SPDYE10: variants seen among roughly 807,000 people sequenced by gnomAD.
SPDYE10 encodes speedy protein E10.
chr7:73,123,765 T>TTCTC, the SPDYE10 span, among the ~76,000 whole-genome samples: 9 of 82,286 alleles, frequency 1.1e-4, no homozygotes, highest in South Asian at 4.2e-4. Context: ...GCCATTTCCT[T>TTCTC]TCTCTCTCTC....
the SPDYE10 span, among the ~76,000 whole-genome samples, chr7:73,123,788 C>CCCTCCCT: frequency 1.0e-5 from 1 of 97,458 alleles, no homozygotes; most frequent in African/African-American, 5.1e-5. Flanking sequence ...TCTCTCTCTC[C>CCCTCCCT]CTCTCTCTCT....
chr7:73,149,885 A>T, the SPDYE10 span, among the ~76,000 whole-genome samples: 1 of 86,242 alleles, frequency 1.2e-5, no homozygotes. Context: ...TAGGGAGCAG[A>T]TTTGCCAATA....
the SPDYE10 span, among the ~76,000 whole-genome samples, chr7:73,149,700 ATGGTC>A: frequency 1.4e-5 from 2 of 147,092 alleles, no homozygotes; most frequent in African/African-American, 2.5e-5. Context: ...AAAGTCCAAG[ATGGTC>A]TCGTTCACAT....
At chr7:73,145,021 A>AAG in the SPDYE10 span, among the ~76,000 whole-genome samples, 228 of 110,822 alleles carry the variant, frequency 2.1e-3, 1 homozygote, top group African/African-American at 9.5e-3. Context: ...AAAAAAAAAA[A>AAG]AAGAAGAATT....
At chr7:73,133,598 C>CAA in the SPDYE10 span, among the ~76,000 whole-genome samples, 6 of 12,502 alleles carry the variant, frequency 4.8e-4, no homozygotes, top group South Asian at 8.4e-3. Context: ...ACAGCAGCCT[C>CAA]AAACTTCCAG....
At chr7:73,129,843 CTTG>C in the SPDYE10 span, among the ~76,000 whole-genome samples, 2 of 152,188 alleles carry the variant, frequency 1.3e-5, no homozygotes, top group Admixed American at 1.3e-4. Context: ...TCCAATATCA[CTTG>C]TTGTTTGTTT....
At chr7:73,150,948 ATTTTTTTT>A in the SPDYE10 span, among the ~76,000 whole-genome samples, 2 of 4,942 alleles carry the variant, frequency 4.0e-4, no homozygotes, top group African/African-American at 1.8e-3. Context: ...ATATATATAT[ATTTTTTTT>A]TTTTTACCAA....
chr7:73,150,946 ATATTTTTT>A, the SPDYE10 span, among the ~76,000 whole-genome samples: 2 of 11,306 alleles, frequency 1.8e-4, no homozygotes, highest in Non-Finnish European at 2.8e-4. Flanking sequence ...ATATATATAT[ATATTTTTT>A]TTTTTTTACC....
the SPDYE10 span, among the ~76,000 whole-genome samples, chr7:73,139,872 TGGTCTC>T: frequency 1.5e-5 from 1 of 68,056 alleles, no homozygotes; most frequent in Non-Finnish European, 2.7e-5. Flanking sequence ...TTAGCCAGGA[TGGTCTC>T]GATCTCCTGA....
the SPDYE10 span, among the ~76,000 whole-genome samples, chr7:73,150,715 C>T: frequency 7.3e-6 from 1 of 137,590 alleles, no homozygotes; most frequent in South Asian, 2.4e-4. Flanking sequence ...GAGTGAGACT[C>T]TGTCTCAAAA....
chr7:73,135,175 T>C, the SPDYE10 span, among the ~76,000 whole-genome samples: 2 of 152,096 alleles, frequency 1.3e-5, no homozygotes, highest in African/African-American at 2.4e-5. Flanking sequence ...ACGTGCACCT[T>C]TCCTCCTAAC....
chr7:73,130,553 G>C, the SPDYE10 span, among the ~76,000 whole-genome samples: 1 of 152,310 alleles, frequency 6.6e-6, no homozygotes, highest in South Asian at 2.1e-4. Context: ...CATCTCCTGA[G>C]TTCAGGCAAT....
chr7:73,123,765 T>TCTCTC, the SPDYE10 span, among the ~76,000 whole-genome samples: 3 of 82,322 alleles, frequency 3.6e-5, no homozygotes, highest in Non-Finnish European at 5.8e-5. Flanking sequence ...GCCATTTCCT[T>TCTCTC]TCTCTCTCTC....
At chr7:73,127,633 A>G in the SPDYE10 span, among the ~76,000 whole-genome samples, 1 of 107,248 alleles carries the variant, frequency 9.3e-6, no homozygotes, top group Non-Finnish European at 2.1e-5. Flanking sequence ...GGAAGGGAAG[A>G]CAATTAAAAA....
chr7:73,144,998 C>A, the SPDYE10 span, among the ~76,000 whole-genome samples: 1 of 54,824 alleles, frequency 1.8e-5, no homozygotes, highest in Non-Finnish European at 3.0e-5. Flanking sequence ...TGGAGTGAGG[C>A]TTCGTCTCAA....
the SPDYE10 span, chr7:73,154,793 C>A: frequency 3.0e-5 from 6 of 200,980 alleles, no homozygotes; most frequent in East Asian, 9.7e-4. Flanking sequence ...GGCCGCCCAG[C>A]CCCCGCGGCA....
At chr7:73,128,008 C>G in the SPDYE10 span, among the ~76,000 whole-genome samples, 1 of 139,254 alleles carries the variant, frequency 7.2e-6, no homozygotes, top group Middle Eastern at 3.6e-3. Context: ...AATACATTTA[C>G]AGGAATGTTT....
chr7:73,123,825 C>CTCTCTCTCTT, the SPDYE10 span, among the ~76,000 whole-genome samples: 3 of 151,188 alleles, frequency 2.0e-5, no homozygotes, highest in South Asian at 2.1e-4. Context: ...CTCTCTCTCT[C>CTCTCTCTCTT]TCTGGCTGGA....
At chr7:73,134,559 A>AAGAAAGAAAGAAAGAAAG in the SPDYE10 span, among the ~76,000 whole-genome samples, 1 of 152,116 alleles carries the variant, frequency 6.6e-6, no homozygotes, top group Non-Finnish European at 1.5e-5. Flanking sequence ...GAAAGAAAGA[A>AAGAAAGAAAGAAAGAAAG]AGAAAGAAAC....
Sources: allele counts gnomAD v4.1 joint callset (sites outside exome capture counted in the v4.1 genomes callset), GRCh38; gene constraint gnomAD v4.1.1; transcripts MANE v1.5; gene names NCBI Gene and HGNC (gene_info 2026-07-23, HGNC 2026-07-21).